DACH2: variants seen among roughly 807,000 people sequenced by gnomAD.
The protein encoded by DACH2 is dachshund homolog 2.
DACH2 carries 17 observed loss-of-function variants against 35.8 expected under a neutral mutation model. That is an observed-to-expected ratio of 0.48 (90% CI 0.33 to 0.71). The LOEUF (loss-of-function observed/expected upper bound fraction) is 0.71, where lower values mean the gene tolerates loss of function less well. Ranked by LOEUF, DACH2 falls within the 30% of genes least tolerant of loss-of-function variation. The pLI is 0.02. For synonymous variants in DACH2, 195 were observed against 177.3 expected (o/e 1.10, Z -0.79); for missense variants, 469 against 472.7 (o/e 0.99, Z 0.07).
chrX:86,686,225 A>AT (rs753285210), intron 4 of DACH2, among the ~76,000 whole-genome samples: 1 of 110,046 alleles, frequency 9.1e-6, no homozygotes, highest in Non-Finnish European at 1.9e-5. Context: ...TTTTTATTTT[A>AT]TTTATTTATT....
At chrX:86,321,377 G>A (rs776108727) in intron 1 of DACH2, among the ~76,000 whole-genome samples, 1 of 111,938 alleles carries the variant, frequency 8.9e-6, no homozygotes, top group African/African-American at 3.2e-5. Flanking sequence ...ACTGAATTGG[G>A]AGACAAGGAG....
intron 1 of DACH2, among the ~76,000 whole-genome samples, chrX:86,311,492 T>C (rs754726498): frequency 9.0e-6 from 1 of 111,520 alleles, no homozygotes; most frequent in Admixed American, 9.5e-5. Context: ...GAAGGCCATG[T>C]ATGCTCTGAA....
chrX:86,331,681 C>T (rs1045944848), intron 1 of DACH2, among the ~76,000 whole-genome samples: 6 of 111,061 alleles, frequency 5.4e-5, no homozygotes, highest in Admixed American at 3.9e-4. Flanking sequence ...ATTTTACTGT[C>T]AGATATATAC....
intron 1 of DACH2, among the ~76,000 whole-genome samples, chrX:86,223,326 T>C (rs2032755047): frequency 1.8e-5 from 2 of 111,609 alleles, no homozygotes; most frequent in Admixed American, 9.5e-5. Context: ...GCTGCTTCCT[T>C]TTACATCAAA....
intron 3 of DACH2, among the ~76,000 whole-genome samples, chrX:86,610,423 TTTC>T (rs1569452366): frequency 2.3e-4 from 17 of 73,471 alleles, no homozygotes; most frequent in African/African-American, 1.0e-3. Flanking sequence ...CTTTCTTTTC[TTTC>T]TTTCTTTCTT....
At chrX:86,717,294 T>A (rs1335298029) in intron 6 of DACH2, among the ~76,000 whole-genome samples, 2 of 111,160 alleles carry the variant, frequency 1.8e-5, no homozygotes, top group Non-Finnish European at 3.8e-5. Context: ...GTGTACACAT[T>A]ATTTAGTTCC....
At chrX:86,796,081 C>T (rs2042235163) in intron 7 of DACH2, among the ~76,000 whole-genome samples, 1 of 111,944 alleles carries the variant, frequency 8.9e-6, no homozygotes, top group African/African-American at 3.2e-5. Context: ...TTATTTGGCC[C>T]TGCTCACATT....
chrX:86,655,781 T>C (rs2040531940), intron 4 of DACH2, among the ~76,000 whole-genome samples: 1 of 111,240 alleles, frequency 9.0e-6, no homozygotes, highest in African/African-American at 3.3e-5. Flanking sequence ...TGGAATGTAA[T>C]AAAAGCAACA....
At chrX:86,761,331 G>A (rs113217500) in intron 7 of DACH2, among the ~76,000 whole-genome samples, 90 of 111,634 alleles carry the variant, frequency 8.1e-4, no homozygotes, top group African/African-American at 2.8e-3. Context: ...TGCTGAGGAC[G>A]ATGGTTTCCA....
chrX:86,495,432 C>T (rs2038155994), intron 2 of DACH2, among the ~76,000 whole-genome samples: 1 of 108,959 alleles, frequency 9.2e-6, no homozygotes, highest in African/African-American at 3.3e-5. Context: ...AGACTCGCCA[C>T]ATTTCAAGTG....
intron 1 of DACH2, among the ~76,000 whole-genome samples, chrX:86,368,666 G>A (rs142846213): frequency 0.016 from 1,682 of 107,355 alleles, 29 homozygotes; most frequent in African/African-American, 0.055. Flanking sequence ...GGGCTCAAGC[G>A]ATCCTCTCAC....
chrX:86,278,106 G>T lies in DACH2; in HGVS notation c.489-98718G>T, dbSNP rs570322054. 4.5e-5 allele frequency among the ~76,000 whole-genome samples: 5 copies of T among 111,461 alleles called. No individual in the cohort carries two copies. The East Asian group carries it at 8.5e-4, about 19-fold the overall frequency. On this transcript the variant is annotated intron_variant, in intron 1 of 11. Transcript: ENST00000373125. ...AAGGTCATATGGTTACTCTTTGGTGGTCTGCTGCCAGTCTGATTCACTACA... is the reference window on the plus strand; with the variant it reads ...AAGGTCATATGGTTACTCTTTGGTGTTCTGCTGCCAGTCTGATTCACTACA...
chrX:86,800,157 G>GAA (rs2042278053), intron 7 of DACH2, among the ~76,000 whole-genome samples: 1 of 112,195 alleles, frequency 8.9e-6, no homozygotes, highest in Non-Finnish European at 1.9e-5. Flanking sequence ...CTAATTAATT[G>GAA]AAAAGTTTTT....
intron 1 of DACH2, among the ~76,000 whole-genome samples, chrX:86,194,863 T>A (rs1457583338): frequency 2.7e-5 from 3 of 112,830 alleles, no homozygotes; most frequent in Non-Finnish European, 5.6e-5. Context: ...TAGTCTTGCC[T>A]GTCAGAGGGG....
intron 1 of DACH2, among the ~76,000 whole-genome samples, chrX:86,209,930 C>A (rs1602288146): frequency 9.0e-6 from 1 of 111,600 alleles, no homozygotes; most frequent in South Asian, 3.8e-4. Flanking sequence ...CAGCATTCAC[C>A]ACCTACTATG....
At chrX:86,466,542 G>T (rs907569258) in intron 2 of DACH2, among the ~76,000 whole-genome samples, 1 of 111,392 alleles carries the variant, frequency 9.0e-6, no homozygotes, top group African/African-American at 3.3e-5. Context: ...ACTCATTTCA[G>T]CATTAACCTA....
chrX:86,694,448 T>C (rs1011695473), intron 4 of DACH2, among the ~76,000 whole-genome samples: 1 of 112,095 alleles, frequency 8.9e-6, no homozygotes, highest in Non-Finnish European at 1.9e-5. Flanking sequence ...CCTCACTCTC[T>C]AGCATGAAGG....
chrX:86,329,958 G>A (rs1458574763), intron 1 of DACH2, among the ~76,000 whole-genome samples: 1 of 111,818 alleles, frequency 8.9e-6, no homozygotes, highest in East Asian at 2.8e-4. Flanking sequence ...CAGCTTGGAA[G>A]TGATTTTTCT....
intron 4 of DACH2, among the ~76,000 whole-genome samples, chrX:86,692,940 C>T (rs1033644199): frequency 8.9e-6 from 1 of 111,929 alleles, no homozygotes; most frequent in African/African-American, 3.2e-5. Context: ...TATTAAAATA[C>T]TCCCTTCCCC....
Sources: allele counts gnomAD v4.1 joint callset (sites outside exome capture counted in the v4.1 genomes callset), GRCh38; gene constraint gnomAD v4.1.1; transcripts MANE v1.5; gene names NCBI Gene and HGNC (gene_info 2026-07-23, HGNC 2026-07-21).